The following DSE variants were observed in gnomAD, a reference collection of about 807,000 sequenced individuals.
DSE encodes the protein dermatan-sulfate epimerase.
DSE carries 36 observed loss-of-function variants against 84.4 expected under a neutral mutation model. The observed-to-expected ratio is 0.43, with a 90% CI of 0.33 to 0.56. The LOEUF (loss-of-function observed/expected upper bound fraction) is 0.56. Among genes scored for constraint, DSE ranks in the 20% least tolerant of loss-of-function variants. DSE has a pLI of 0.06. For synonymous variants in DSE, 410 were observed against 430.1 expected (o/e 0.95, Z 0.58); for missense variants, 862 against 1,169.6 (o/e 0.74, Z 3.84).
At chr6:116,347,586 G>A (rs1357712959) in intron 2 of DSE, among the ~76,000 whole-genome samples, 2 of 152,194 alleles carry the variant, frequency 1.3e-5, no homozygotes, top group Non-Finnish European at 2.9e-5. Flanking sequence ...AAACTGGCTA[G>A]CCATATGTAG....
rs1783965493 is a variant in DSE, at chr6:116,433,420, G to A, written c.988G>A (p.Asp330Asn). The change falls in exon 5 of 6, where the codon GAT (aspartate) becomes AAT (asparagine). Residue 330 changes from aspartate to asparagine, a missense_variant. Asp to Asn is a conservative substitution (Grantham distance 23, BLOSUM62 1). Transcript: ENST00000644252. ...TCCAGAAAGCCAATTAGTGTTCCTTGATAAATTTGTCATGCGTAATGGCAG... is the reference window on the plus strand; with the variant it reads ...TCCAGAAAGCCAATTAGTGTTCCTTAATAAATTTGTCATGCGTAATGGCAG... ...YGPESQLVFL[D>N]KFVMRNGSGN... 6.4e-7 allele frequency: 1 copy of A among 1,551,754 alleles called. No homozygotes were observed. Among genetic ancestry groups the A allele is most frequent in the African/African-American group, 1.4e-5 (1 of 73,166 alleles).
At chr6:116,284,151 T>C (rs1251187387) in intron 2 of DSE, among the ~76,000 whole-genome samples, 1 of 152,174 alleles carries the variant, frequency 6.6e-6, no homozygotes, top group Non-Finnish European at 1.5e-5. Context: ...CAAGGAATCA[T>C]AGATTCTTTG....
At chr6:116,270,599 A>T (rs777869058) in intron 2 of DSE, among the ~76,000 whole-genome samples, 6 of 152,138 alleles carry the variant, frequency 3.9e-5, no homozygotes, top group Non-Finnish European at 8.8e-5. Flanking sequence ...AATTTAATTC[A>T]GGCAGTAGAT....
intron 1 of DSE, among the ~76,000 whole-genome samples, chr6:116,387,692 C>T (rs1299546126): frequency 1.3e-5 from 2 of 152,186 alleles, no homozygotes; most frequent in African/African-American, 2.4e-5. Context: ...CATTCTAAAT[C>T]TCACTTTCCT....
chr6:116,319,834 T>C (rs1397416778), intron 2 of DSE, among the ~76,000 whole-genome samples: 3 of 152,162 alleles, frequency 2.0e-5, no homozygotes, highest in African/African-American at 7.2e-5. Context: ...TTCATAAATA[T>C]GTTCTTCTCC....
chr6:116,334,462 T>C (rs1452148858), intron 2 of DSE, among the ~76,000 whole-genome samples: 1 of 152,202 alleles, frequency 6.6e-6, no homozygotes, highest in African/African-American at 2.4e-5. Context: ...CCAAAAATAC[T>C]GTATTCGAAA....
chr6:116,365,601 G>C (rs1411396444), upstream of DSE, among the ~76,000 whole-genome samples: 1 of 152,146 alleles, frequency 6.6e-6, no homozygotes, highest in African/African-American at 2.4e-5. Context: ...GCAAAGTTTG[G>C]GAAGCACCAC....
chr6:116,428,634 G>C (rs1783603655), intron 3 of DSE, among the ~76,000 whole-genome samples: 1 of 152,192 alleles, frequency 6.6e-6, no homozygotes, highest in African/African-American at 2.4e-5. Flanking sequence ...CTAGACAGAA[G>C]GAGGTAGAAA....
chr6:116,323,730 T>G (rs557901146), intron 2 of DSE, among the ~76,000 whole-genome samples: 5 of 152,336 alleles, frequency 3.3e-5, no homozygotes, highest in Admixed American at 1.3e-4. Context: ...TAATAGCATT[T>G]CAGGTATAAA....
chr6:116,315,761 G>T (rs969873107), intron 2 of DSE, among the ~76,000 whole-genome samples: 3 of 152,222 alleles, frequency 2.0e-5, no homozygotes, highest in African/African-American at 7.2e-5. Context: ...CAGCACTTTG[G>T]GAGGACGAGG....
At chr6:116,396,658 G>A (rs1266814679) in intron 1 of DSE, among the ~76,000 whole-genome samples, 1 of 152,190 alleles carries the variant, frequency 6.6e-6, no homozygotes, top group Non-Finnish European at 1.5e-5. Context: ...GAGGTTCTAT[G>A]CTTCAGGATC....
At position 116,294,982 on chromosome 6, in the gene DSE, G is replaced by A. The variant is rs371188350; in HGVS notation, c.-54+36015G>A. On this transcript the variant is annotated intron_variant, in intron 2 of 3. Transcript: ENST00000430252. ...GTATGATAAGTGATGAGGATTTAAC[G>A]ATAAAAGACACTGTTCATGCCCTCG... is the stretch of plus-strand genomic sequence containing the variant. 9.2e-5 allele frequency among the ~76,000 whole-genome samples: 14 copies of A among 152,242 alleles called. No homozygotes were observed. In the East Asian group the frequency reaches 1.2e-3, roughly 13 times the overall value.
At chr6:116,258,213 A>C (rs1772226299) in intron 1 of DSE, among the ~76,000 whole-genome samples, 2 of 151,530 alleles carry the variant, frequency 1.3e-5, no homozygotes, top group South Asian at 4.2e-4. Context: ...ACAGGGTTTC[A>C]CCATATTGGC....
chr6:116,259,423 GC>G (rs1359391347), intron 2 of DSE, among the ~76,000 whole-genome samples: 1 of 152,124 alleles, frequency 6.6e-6, no homozygotes, highest in Non-Finnish European at 1.5e-5. Flanking sequence ...ATTTTGAGCA[GC>G]TTTATGATAA....
At chr6:116,369,734 CT>C (rs1779392306), upstream of DSE, 1 of 364,656 alleles carries the variant, frequency 2.7e-6, no homozygotes, top group African/African-American at 2.1e-5. Context: ...TCCTCTTGAC[CT>C]GTTTGTAAGG....
intron 1 of DSE, among the ~76,000 whole-genome samples, chr6:116,373,856 T>G (rs1779761329): frequency 6.6e-6 from 1 of 152,262 alleles, no homozygotes; most frequent in Non-Finnish European, 1.5e-5. Context: ...ATTTTGGTAT[T>G]TATTTATACT....
At chr6:116,362,024 G>A (rs930111967) in intron 2 of DSE, among the ~76,000 whole-genome samples, 1 of 152,156 alleles carries the variant, frequency 6.6e-6, no homozygotes, top group African/African-American at 2.4e-5. Context: ...GTTTTAGACT[G>A]TAAAGACCCT....
At chr6:116,389,838 A>C (rs1038159001) in intron 1 of DSE, among the ~76,000 whole-genome samples, 9 of 152,148 alleles carry the variant, frequency 5.9e-5, no homozygotes, top group Admixed American at 2.0e-4. Flanking sequence ...TTTTAAAAAT[A>C]TATTGCAAAT....
chr6:116,424,233 C>T (rs1783282321), intron 2 of DSE, among the ~76,000 whole-genome samples: 1 of 152,164 alleles, frequency 6.6e-6, no homozygotes, highest in African/African-American at 2.4e-5. Context: ...TTCCCAACTC[C>T]CTGGCAATGA....
Sources: allele counts gnomAD v4.1 joint callset (sites outside exome capture counted in the v4.1 genomes callset), GRCh38; gene constraint gnomAD v4.1.1; transcripts MANE v1.5; gene names NCBI Gene and HGNC (gene_info 2026-07-23, HGNC 2026-07-21).